The following DLGAP3 variants were observed in gnomAD, a reference collection of about 807,000 sequenced individuals.
DLGAP3 encodes disks large-associated protein 3.
In DLGAP3, 17 loss-of-function variants were observed where a neutral mutation model predicts 81.2. The observed-to-expected ratio is 0.21, with a 90% CI of 0.14 to 0.31. The LOEUF (loss-of-function observed/expected upper bound fraction) is 0.31. DLGAP3 is among the 10% of genes least tolerant of loss of function. DLGAP3 has a pLI of 1.00. For missense variants in DLGAP3, 1,124 were observed against 1,388.0 expected, an observed-to-expected ratio of 0.81 and a Z score of 3.02; for synonymous variants, 577 against 587.4, an observed-to-expected ratio of 0.98 and a Z score of 0.26.
intron 1 of DLGAP3, among the ~76,000 whole-genome samples, chr1:34,921,082 C>T (rs1199760470): frequency 1.3e-5 from 2 of 152,178 alleles, no homozygotes; most frequent in Non-Finnish European, 2.9e-5. Context: ...ATTGCCTCCA[C>T]AAGGAACTGT....
Position 34,902,067 on chromosome 1 carries a change from T to C in DLGAP3, c.1108-1794A>G, listed in dbSNP as rs1639468554. Among the ~76,000 whole-genome samples the C allele has an allele frequency of 2.0e-5, 3 of 151,954 alleles. No individual in the cohort carries two copies. Among genetic ancestry groups the C allele is most frequent in the South Asian group, 4.2e-4 (2 of 4,798 alleles). On this transcript the variant is annotated intron_variant, in intron 3 of 11. Coordinates refer to ENST00000373347, the MANE Select transcript of DLGAP3 (RefSeq NM_001080418.3). The surrounding 1 kb of genome is among the most constrained non-coding windows in gnomAD (Gnocchi z 4.4). ...GGACGAGGGTGGCTGGGAATTTGGA[T>C]GCGTCTAGAGAGATGCTGTCAGGAA...
chr1:34,892,232 C>A (rs953868100), intron 5 of DLGAP3, among the ~76,000 whole-genome samples: 15 of 152,136 alleles, frequency 9.9e-5, no homozygotes, highest in African/African-American at 3.6e-4. Flanking sequence ...ATTAAAAATT[C>A]AGTAGAGGAG....
chr1:34,881,360 G>A (rs1364087553), intron 8 of DLGAP3, among the ~76,000 whole-genome samples: 1 of 152,138 alleles, frequency 6.6e-6, no homozygotes, highest in Non-Finnish European at 1.5e-5. Flanking sequence ...AGCCTCCCTT[G>A]CAGCTAGGTG....
rs186082680 is a variant in DLGAP3 at position 34,902,517 on chromosome 1, A to T, written c.1107+1760T>A. On this transcript the variant is annotated intron_variant, in intron 3 of 11. Transcript: ENST00000373347. This position sits in a 1 kb window ranked among gnomAD's most constrained non-coding sequence, Gnocchi z 4.4. ...GAGTCCAGCAAAGACACCTGGCCTC[A>T]TGGGGCCAGCCTCCCCTGCTTTTGT... is the stretch of plus-strand genomic sequence containing the variant. Among the ~76,000 whole-genome samples, 1 of 152,206 alleles carries T rather than the reference A, an allele frequency of 6.6e-6. No homozygotes were observed. Among genetic ancestry groups the T allele is most frequent in the African/African-American group, 2.4e-5 (1 of 41,534 alleles).
At chr1:34,888,409 G>A (rs1158600200) in intron 5 of DLGAP3, among the ~76,000 whole-genome samples, 5 of 152,318 alleles carry the variant, frequency 3.3e-5, no homozygotes, top group Admixed American at 3.3e-4. Flanking sequence ...ATGTAAGGCT[G>A]ACTGAGCAAC....
Position 34,902,069 on chromosome 1 carries a change from C to T in DLGAP3, c.1108-1796G>A, listed in dbSNP as rs919949863. Among the ~76,000 whole-genome samples, 13 of 151,692 alleles carry T rather than the reference C, an allele frequency of 8.6e-5. No individual in the cohort carries two copies. The highest frequency in any genetic ancestry group is 1.7e-4 in the African/African-American group (7 of 41,252). On this transcript the variant is annotated intron_variant, in intron 3 of 11. Transcript: ENST00000373347. This position sits in a 1 kb window ranked among gnomAD's most constrained non-coding sequence, Gnocchi z 4.4. ...ACGAGGGTGGCTGGGAATTTGGATG[C>T]GTCTAGAGAGATGCTGTCAGGAAGC... is the stretch of plus-strand genomic sequence containing the variant.
chr1:34,889,414 C>T (rs568751153), intron 5 of DLGAP3, among the ~76,000 whole-genome samples: 2 of 152,268 alleles, frequency 1.3e-5, no homozygotes, highest in South Asian at 2.1e-4. Context: ...AAAACTGTAA[C>T]ATTGTACTGT....
At chr1:34,886,339 G>A in intron 5 of DLGAP3, 54 bp from the exon 6 acceptor site, 1 of 1,484,022 alleles carries the variant, frequency 6.7e-7, no homozygotes, top group Non-Finnish European at 9.1e-7. Context: ...GGGGGTGGAA[G>A]TCCCTGGGGT....
At chr1:34,906,855 C>T (rs1281551910) in intron 2 of DLGAP3, among the ~76,000 whole-genome samples, 3 of 152,200 alleles carry the variant, frequency 2.0e-5, no homozygotes, top group Non-Finnish European at 4.4e-5. Flanking sequence ...TCAGCAAGAG[C>T]TGCCTCCAAT....
chr1:34,905,926 A>G (rs922502978), intron 2 of DLGAP3, among the ~76,000 whole-genome samples: 30 of 149,982 alleles, frequency 2.0e-4, no homozygotes, highest in African/African-American at 7.1e-4. Flanking sequence ...GGATCACTTG[A>G]GCACAAGAGC....
Position 34,867,590 on chromosome 1 carries a change from T to C in DLGAP3, c.2523A>G (p.Gln841=). Residue 841 remains glutamine, a synonymous_variant, in exon 10 of 12, where the codon CAA becomes CAG. Transcript: ENST00000373347. This position sits in a 1 kb window ranked among gnomAD's most constrained non-coding sequence, Gnocchi z 4.3. ...EKIRSAVGST[Q]LLLSQKVQQF... is the part of the protein sequence containing the mutation. ...GCTGAACCTTCTGGGACAGGAGAAG[T>C]TGTGTGCTGCCCACAGCACTGCGGA... 2 of 1,614,058 alleles carry C rather than the reference T, an allele frequency of 1.2e-6. No individual in the cohort carries two copies. Among genetic ancestry groups the C allele is most frequent in the East Asian group, 2.2e-5 (1 of 44,880 alleles).
rs763751741 is a variant in DLGAP3 at position 34,867,021 on chromosome 1, CTT to C, written c.2721+25_2721+26del. The C allele has an allele frequency of 2.3e-5, 37 of 1,613,922 alleles. No individual in the cohort carries two copies. In the South Asian group the frequency reaches 4.1e-4, roughly 18 times the overall value. ...AGGGGAATTTCCCAGAGTCTGGCCT[CTT>C]TGCCTGAAGGCACCCCAGCCCCACC... On this transcript the variant is annotated intron_variant, in intron 11 of 11. Coordinates refer to ENST00000373347, the MANE Select transcript of DLGAP3 (RefSeq NM_001080418.3). This position sits in a 1 kb window ranked among gnomAD's most constrained non-coding sequence, Gnocchi z 4.3.
chr1:34,913,659 T>C (rs1639674183), intron 1 of DLGAP3, among the ~76,000 whole-genome samples: 1 of 152,268 alleles, frequency 6.6e-6, no homozygotes, highest in South Asian at 2.1e-4. Flanking sequence ...GTTTGTGTGC[T>C]GCAGCATTTT....
Position 34,900,082 on chromosome 1 carries a change from G to A in DLGAP3, c.1299C>T (p.Asp433=). ...RFTTRRSSSV[D]QARINCCVPP... ...CCTGTCCTTACTTGATCCTGGCCTG[G>A]TCCACGCTGGAGGAGCGACGGGTGG... Residue 433 remains aspartate (D), a synonymous_variant, in exon 4 of 12, where the codon GAC becomes GAT. Coordinates refer to ENST00000373347, the MANE Select transcript of DLGAP3 (RefSeq NM_001080418.3). The surrounding 1 kb of genome is among the most constrained non-coding windows in gnomAD (Gnocchi z 5.6). 1 of 1,613,316 alleles carries A rather than the reference G, an allele frequency of 6.2e-7. No homozygotes were observed. The highest frequency in any genetic ancestry group is 8.5e-7 in the Non-Finnish European group (1 of 1,180,006).
chr1:34,922,192 C>A (rs917016451), intron 1 of DLGAP3, among the ~76,000 whole-genome samples: 2 of 152,120 alleles, frequency 1.3e-5, no homozygotes, highest in African/African-American at 2.4e-5. Flanking sequence ...ATCCCCAAGG[C>A]CTTATAGGTT....
chr1:34,874,457 C>T (rs532995950), intron 8 of DLGAP3, among the ~76,000 whole-genome samples: 29 of 152,344 alleles, frequency 1.9e-4, no homozygotes, highest in African/African-American at 7.0e-4. Flanking sequence ...TCTCCACCAA[C>T]AGCTGTCAGC....
intron 8 of DLGAP3, 55 bp downstream of exon 8, chr1:34,884,923 G>C: frequency 7.5e-7 from 1 of 1,333,150 alleles, no homozygotes. Context: ...ACACTATGCA[G>C]CCCTCTCTCC....
At chr1:34,927,219 A>G (rs1170398590) in intron 1 of DLGAP3, among the ~76,000 whole-genome samples, 1 of 152,126 alleles carries the variant, frequency 6.6e-6, no homozygotes, top group East Asian at 1.9e-4. Context: ...TTGAGTCTTC[A>G]TTTCTTTTCC....
chr1:34,929,405 G>A lies in DLGAP3; in HGVS notation c.-135+46C>T, dbSNP rs868566755. Reference sequence around the variant, plus strand: ...GGCCGTGCCTGGGGGGCGCTGCAGAGGGAGCCGCGAGCGCGGCCCCGTCCC... The same window carrying A: ...GGCCGTGCCTGGGGGGCGCTGCAGAAGGAGCCGCGAGCGCGGCCCCGTCCC... On this transcript the variant is annotated intron_variant, in intron 1 of 11. Coordinates refer to ENST00000373347, the MANE Select transcript of DLGAP3 (RefSeq NM_001080418.3). This position sits in a 1 kb window ranked among gnomAD's most constrained non-coding sequence, Gnocchi z 6.5. 1 of 148,212 alleles carries A rather than the reference G, an allele frequency of 6.7e-6. No individual in the cohort carries two copies. Among genetic ancestry groups the A allele is most frequent in the Non-Finnish European group, 1.5e-5 (1 of 66,416 alleles). 9.2% of individuals were successfully genotyped at this position (148,212 alleles called of 1,614,324 possible). A position where few individuals can be genotyped will look rare whatever the true frequency, so the allele number is the denominator to read the frequency against.
Sources: gnomAD v4.1 joint callset for allele counts (sites outside exome capture counted in the v4.1 genomes callset) on GRCh38, gnomAD v4.1.1 for gene constraint, Gnocchi (gnomAD v3.1) non-coding constraint, MANE v1.5 for transcripts, NCBI Gene and HGNC (gene_info 2026-07-23, HGNC 2026-07-21) for gene names.